Variants in CUX2 observed in about 807,000 individuals in gnomAD.
CUX2 encodes homeobox protein cut-like 2.
In CUX2, 40 loss-of-function variants were observed where a neutral mutation model predicts 144.8. The observed-to-expected ratio is 0.28, with a 90% CI of 0.21 to 0.36. CUX2 has a LOEUF of 0.36. Among genes scored for constraint, CUX2 ranks in the 10% least tolerant of loss-of-function variants. The probability of loss-of-function intolerance (pLI) is 1.00; values close to 1 mark genes in which losing one functional copy is unlikely to be tolerated. For missense variants in CUX2, 1,615 were observed against 1,994.0 expected (o/e 0.81, Z 3.62); for synonymous variants, 827 against 875.6 (o/e 0.94, Z 0.98).
At position 111,350,252 on chromosome 12, in the gene CUX2, A is replaced by G. The variant is rs1888997434; in HGVS notation, c.*1927A>G. ...GAACACACCACTTTTTACTGTTGAA[A>G]CCAACACAACGTTGAAATCCAGGCT... is the stretch of plus-strand genomic sequence containing the variant. On this transcript the variant is annotated 3_prime_UTR_variant, in exon 22 of 22. Coordinates refer to ENST00000261726, the MANE Select transcript of CUX2 (RefSeq NM_015267.4). The G allele has an allele frequency of 6.6e-6, 1 of 152,490 alleles. No homozygotes were observed. The highest frequency in any genetic ancestry group is 2.1e-4 in the South Asian group (1 of 4,828). 9.4% of individuals were successfully genotyped at this position (152,490 alleles called of 1,614,324 possible).
At chr12:111,249,937 A>G (rs1470748883) in intron 3 of CUX2, among the ~76,000 whole-genome samples, 6 of 152,194 alleles carry the variant, frequency 3.9e-5, no homozygotes, top group Non-Finnish European at 8.8e-5. Context: ...ATTATTCACT[A>G]TAGTCCATAC....
intron 3 of CUX2, among the ~76,000 whole-genome samples, chr12:111,227,018 G>T (rs78373422): frequency 2.0e-5 from 3 of 152,192 alleles, no homozygotes; most frequent in Non-Finnish European, 4.4e-5. Context: ...CTGCCTCCTG[G>T]GAGGTGGGAG....
intron 1 of CUX2, among the ~76,000 whole-genome samples, chr12:111,201,257 C>T (rs977139467): frequency 6.6e-6 from 1 of 152,180 alleles, no homozygotes; most frequent in Non-Finnish European, 1.5e-5. Flanking sequence ...GGTGTGTCTG[C>T]TCTGCCAGCC....
chr12:111,319,988 G>A, intron 16 of CUX2, 24 bp from the exon 17 acceptor site: 1 of 1,462,462 alleles, frequency 6.8e-7, no homozygotes, highest in Non-Finnish European at 9.0e-7. Context: ...TGGGCCTCGG[G>A]CCGTCCTGTC....
At chr12:111,337,131 C>T (rs898595100) in intron 19 of CUX2, among the ~76,000 whole-genome samples, 11 of 152,162 alleles carry the variant, frequency 7.2e-5, no homozygotes, top group Admixed American at 1.3e-4. Context: ...GCCAAGATCA[C>T]ACCACTGCAG....
At chr12:111,275,113 T>G (rs1029005738) in intron 4 of CUX2, among the ~76,000 whole-genome samples, 1 of 152,202 alleles carries the variant, frequency 6.6e-6, no homozygotes, top group African/African-American at 2.4e-5. Flanking sequence ...TCTATGGGTT[T>G]GGATCCCATG....
At chr12:111,065,440 A>C (rs1174181426) in intron 1 of CUX2, among the ~76,000 whole-genome samples, 2 of 152,166 alleles carry the variant, frequency 1.3e-5, no homozygotes, top group African/African-American at 4.8e-5. Context: ...AGTTCAAGCA[A>C]TTCTCCTGTC....
chr12:111,330,251 C>T (rs187214453), intron 18 of CUX2, among the ~76,000 whole-genome samples: 1 of 152,230 alleles, frequency 6.6e-6, no homozygotes, highest in African/African-American at 2.4e-5. Flanking sequence ...ACTCAGGGAT[C>T]CTGGCTGAAA....
intron 1 of CUX2, among the ~76,000 whole-genome samples, chr12:111,045,937 G>A (rs1407473945): frequency 6.6e-6 from 1 of 152,170 alleles, no homozygotes; most frequent in Non-Finnish European, 1.5e-5. Context: ...TATTGCCATC[G>A]TTGTTTGTCA....
intron 9 of CUX2, among the ~76,000 whole-genome samples, chr12:111,300,561 G>A (rs11065856): frequency 3.1e-4 from 47 of 152,160 alleles, no homozygotes; most frequent in African/African-American, 1.0e-3. Context: ...GTGTTCCTCA[G>A]CAGGGTGCAC....
At chr12:111,195,626 C>T (rs1343956795) in intron 1 of CUX2, among the ~76,000 whole-genome samples, 1 of 152,208 alleles carries the variant, frequency 6.6e-6, no homozygotes, top group Non-Finnish European at 1.5e-5. Flanking sequence ...GCTGGGGAAG[C>T]GCCTTCCCTG....
chr12:111,235,696 AG>A (rs1465132992), intron 3 of CUX2, among the ~76,000 whole-genome samples: 2 of 151,946 alleles, frequency 1.3e-5, no homozygotes, highest in Admixed American at 1.3e-4. Context: ...ACTCTAGCCC[AG>A]GCAACAGAGT....
chr12:111,261,712 C>G (rs915074349), intron 3 of CUX2, among the ~76,000 whole-genome samples: 2 of 152,022 alleles, frequency 1.3e-5, no homozygotes, highest in Non-Finnish European at 2.9e-5. Context: ...ACCAGCCTGG[C>G]CAACATGGCG....
chr12:111,100,203 A>G (rs916153017), intron 1 of CUX2: 122 of 288,490 alleles, frequency 4.2e-4, no homozygotes, highest in Admixed American at 5.5e-4. Context: ...GTGTGTGTGT[A>G]TGTGTGTGTG....
chr12:111,320,475 C>T lies in CUX2; in HGVS notation c.2466C>T (p.Arg822=). 6.3e-7 allele frequency: 1 copy of T among 1,589,298 alleles called. No individual in the cohort carries two copies. The highest frequency in any genetic ancestry group is 1.7e-4 in the Middle Eastern group (1 of 6,024). Residue 822 remains arginine (R), a synonymous_variant, in exon 17 of 22, where the codon CGC becomes CGT. Coordinates refer to ENST00000261726, the MANE Select transcript of CUX2 (RefSeq NM_015267.4). The surrounding 1 kb of genome is among the most constrained non-coding windows in gnomAD (Gnocchi z 8.1). The part of the protein sequence containing the change: ...SSGYSGQPNG[R]AWPRGDEAPV... ...GCTACTCTGGCCAGCCCAACGGCCG[C>T]GCCTGGCCCCGCGGGGACGAGGCCC...
In CUX2 at chr12:111,348,346, G is replaced by A. The variant is rs780977818; in HGVS notation, c.*21G>A. On this transcript the variant is annotated 3_prime_UTR_variant, in exon 22 of 22. Coordinates refer to ENST00000261726, the MANE Select transcript of CUX2 (RefSeq NM_015267.4). ...TCTGAAGGCAGGGTGAGGGGGCAAG[G>A]GACATACCCTGGTAACTACCTTCCT... 9 of 1,588,734 alleles carry A rather than the reference G, an allele frequency of 5.7e-6. No homozygotes were observed. In the African/African-American group the frequency reaches 1.1e-4, roughly 19 times the overall value.
At chr12:111,182,474 C>G (rs934080415) in intron 1 of CUX2, among the ~76,000 whole-genome samples, 1 of 152,212 alleles carries the variant, frequency 6.6e-6, no homozygotes, top group South Asian at 2.1e-4. Flanking sequence ...GAGCCATTAG[C>G]CCCCACGTCC....
At chr12:111,301,014 G>A (rs1219618965) in intron 9 of CUX2, among the ~76,000 whole-genome samples, 1 of 144,054 alleles carries the variant, frequency 6.9e-6, no homozygotes, top group Non-Finnish European at 1.5e-5. Context: ...ATTCCAGCCT[G>A]GACAACAGAG....
At chr12:111,172,899 C>T (rs1258192537) in intron 1 of CUX2, among the ~76,000 whole-genome samples, 1 of 152,222 alleles carries the variant, frequency 6.6e-6, no homozygotes, top group Non-Finnish European at 1.5e-5. Flanking sequence ...GATTTCCCTT[C>T]CAGCTTTAGC....
Sources: gnomAD v4.1 joint callset for allele counts (sites outside exome capture counted in the v4.1 genomes callset) on GRCh38, gnomAD v4.1.1 for gene constraint, Gnocchi (gnomAD v3.1) non-coding constraint, MANE v1.5 for transcripts, NCBI Gene and HGNC (gene_info 2026-07-23, HGNC 2026-07-21) for gene names.